Variants in SPTB observed in about 807,000 individuals in gnomAD.
SPTB encodes spectrin beta, erythrocytic.
Under a neutral mutation model 256.2 loss-of-function variants are expected in SPTB, and 45 were observed. The observed-to-expected ratio is 0.18, with a 90% CI of 0.14 to 0.23. The LOEUF (loss-of-function observed/expected upper bound fraction) is 0.23, where lower values mean the gene tolerates loss of function less well. SPTB is among the 10% of genes least tolerant of loss of function. The pLI, the probability that SPTB is intolerant of heterozygous loss-of-function variation, is 1.00. For missense variants in SPTB, 2,715 were observed against 3,040.4 expected (o/e 0.89, Z 2.52); for synonymous variants, 1,231 against 1,243.1 (o/e 0.99, Z 0.21).
chr14:64,811,267 G>A (rs2083084795), intron 2 of SPTB, among the ~76,000 whole-genome samples: 2 of 152,164 alleles, frequency 1.3e-5, no homozygotes, highest in Admixed American at 1.3e-4. Flanking sequence ...TGAACAAAGA[G>A]TTAACAGAAA....
chr14:64,865,600 T>C (rs1882131631), intron 1 of SPTB, among the ~76,000 whole-genome samples: 1 of 152,182 alleles, frequency 6.6e-6, no homozygotes, highest in Non-Finnish European at 1.5e-5. Flanking sequence ...TTGAGGACAC[T>C]GTACTGAGTA....
At chr14:64,809,994 G>A (rs1242623664) in intron 2 of SPTB, among the ~76,000 whole-genome samples, 1 of 151,752 alleles carries the variant, frequency 6.6e-6, no homozygotes, top group East Asian at 1.9e-4. Context: ...TTGAATTTGT[G>A]GGAAAAAAGA....
At chr14:64,753,893 C>A (rs1291989801) in intron 32 of SPTB, 100 bp from the exon 33 acceptor site, 31 of 1,491,450 alleles carry the variant, frequency 2.1e-5, no homozygotes, top group Non-Finnish European at 2.8e-5. Flanking sequence ...CCTCTCCACA[C>A]CCCCAAGCCT....
chr14:64,874,738 C>A (rs1211362312), intron 1 of SPTB, among the ~76,000 whole-genome samples: 1 of 152,204 alleles, frequency 6.6e-6, no homozygotes, highest in African/African-American at 2.4e-5. Context: ...GAGACACGCC[C>A]ATATTTAAGT....
Position 64,793,564 on chromosome 14 carries a change from G to A in SPTB, c.2099C>T (p.Ala700Val), listed in dbSNP as rs748458507. Residue 700 changes from alanine (A) to valine (V), a missense_variant, in exon 14 of 36, where the codon GCT becomes GTT. Transcript: ENST00000644917. This position sits in a 1 kb window ranked among gnomAD's most constrained non-coding sequence, Gnocchi z 7.0. ...DAHLEQIFQEAHGMVARKQFG... is the reference protein window; with the variant it reads ...DAHLEQIFQEVHGMVARKQFG... ...CTGCTTGCGCGCAACCATGCCATGA[G>A]CCTCCTGGAAGATCTGCTCCAGGTG... 1.9e-6 allele frequency: 3 copies of A among 1,614,124 alleles called. No individual in the cohort carries two copies. The highest frequency in any genetic ancestry group is 2.5e-6 in the Non-Finnish European group (3 of 1,180,032).
chr14:64,793,874 G>A lies in SPTB; in HGVS notation c.1796-7C>T, dbSNP rs751031901. On this transcript the variant is annotated splice_polypyrimidine_tract_variant and splice_region_variant and intron_variant, in intron 13 of 35. Coordinates refer to ENST00000644917, the MANE Select transcript of SPTB (RefSeq NM_001355436.2). The surrounding 1 kb of genome is among the most constrained non-coding windows in gnomAD (Gnocchi z 7.0). ...GGGTCACAAGGCTGGTACCCTGGAA[G>A]AAATAGGGGGAAGGAGGACAAAGTG... The A allele has an allele frequency of 1.3e-6, 2 of 1,595,786 alleles. No homozygotes were observed. Among genetic ancestry groups the A allele is most frequent in the Non-Finnish European group, 1.7e-6 (2 of 1,175,324 alleles).
chr14:64,854,547 G>C (rs2083841125), intron 1 of SPTB, among the ~76,000 whole-genome samples: 2 of 152,014 alleles, frequency 1.3e-5, no homozygotes, highest in South Asian at 4.2e-4. Context: ...CAAAGTGCTG[G>C]GATTACAGGT....
intron 1 of SPTB, among the ~76,000 whole-genome samples, chr14:64,835,928 T>C (rs1003131653): frequency 7.2e-5 from 11 of 152,234 alleles, no homozygotes; most frequent in Admixed American, 3.3e-4. Context: ...TTAATGACTC[T>C]GTATCTCAGT....
chr14:64,766,664 G>T (rs747154534), intron 32 of SPTB, 62 bp downstream of exon 32: 2 of 1,613,266 alleles, frequency 1.2e-6, no homozygotes, highest in South Asian at 2.2e-5. Flanking sequence ...AGCCTAGTAG[G>T]GGTGAGAGGG....
chr14:64,750,615 A>G lies in SPTB; in HGVS notation c.6603-461T>C, dbSNP rs1206673061. 2.0e-5 allele frequency among the ~76,000 whole-genome samples: 3 copies of G among 152,020 alleles called. No individual in the cohort carries two copies. The East Asian group carries it at 5.8e-4, about 29-fold the overall frequency. ...ACGTGGTAAAACCCCATCTCTACTAAAAATACAAAAATTAGCCGGGCTTGG... is the reference window on the plus strand; with the variant it reads ...ACGTGGTAAAACCCCATCTCTACTAGAAATACAAAAATTAGCCGGGCTTGG... On this transcript the variant is annotated intron_variant, in intron 33 of 35. Coordinates refer to ENST00000644917, the MANE Select transcript of SPTB (RefSeq NM_001355436.2).
chr14:64,756,089 G>A (rs1380599597), intron 32 of SPTB: 2 of 152,192 alleles, frequency 1.3e-5, no homozygotes, highest in African/African-American at 4.8e-5. Context: ...GACAGAGGCA[G>A]GAACCTAAAT....
At chr14:64,765,859 ATG>A (rs72331445) in intron 32 of SPTB, among the ~76,000 whole-genome samples, 3,748 of 117,388 alleles carry the variant, frequency 0.032, 101 homozygotes, top group African/African-American at 0.073. Flanking sequence ...GTGCACATGT[ATG>A]TGTGTGTGTG....
rs941790472 is a variant in SPTB, at chr14:64,866,502, T to G, written c.-52+13290A>C. ...GTTCATCTCAGACCCCACCACATACTCAGAGGCCTCGTAGCTCCACTCACC... is the reference window on the plus strand; with the variant it reads ...GTTCATCTCAGACCCCACCACATACGCAGAGGCCTCGTAGCTCCACTCACC... On this transcript the variant is annotated intron_variant, in intron 1 of 35. Coordinates refer to ENST00000644917, the MANE Select transcript of SPTB (RefSeq NM_001355436.2). The surrounding 1 kb of genome is among the most constrained non-coding windows in gnomAD (Gnocchi z 4.6). Among the ~76,000 whole-genome samples the G allele has an allele frequency of 6.6e-6, 1 of 152,026 alleles. No individual in the cohort carries two copies. Among genetic ancestry groups the G allele is most frequent in the East Asian group, 1.9e-4 (1 of 5,186 alleles).
chr14:64,805,675 C>A (rs2082969467), intron 2 of SPTB, among the ~76,000 whole-genome samples: 2 of 152,176 alleles, frequency 1.3e-5, no homozygotes, highest in South Asian at 4.1e-4. Flanking sequence ...CCTGGTGCAC[C>A]ATCAGTACTC....
At position 64,779,736 on chromosome 14, in the gene SPTB, C is replaced by G; in HGVS notation, c.4462G>C (p.Glu1488Gln). The stretch of plus-strand genomic sequence containing the variant: ...TGTGGCCCACGCACCGTCTCATCCT[C>G]TAAGTCCCGGCTGATCTGCAGCTTG... Reference protein sequence around the residue: ...RAKLQISRDLEDETLWVEERL... With the variant: ...RAKLQISRDLQDETLWVEERL... Residue 1488 changes from glutamate to glutamine, a missense_variant, in exon 21 of 36, where the codon GAG becomes CAG. Physicochemically the swap from Glu to Gln is conservative, Grantham distance 29 (BLOSUM62 2). Coordinates refer to ENST00000644917, the MANE Select transcript of SPTB (RefSeq NM_001355436.2). This position sits in a 1 kb window ranked among gnomAD's most constrained non-coding sequence, Gnocchi z 4.2. 3 of 1,614,180 alleles carry G rather than the reference C, an allele frequency of 1.9e-6. No homozygotes were observed. Among genetic ancestry groups the G allele is most frequent in the Non-Finnish European group, 2.5e-6 (3 of 1,180,044 alleles).
chr14:64,767,445 C>T (rs1377981201), intron 30 of SPTB, 93 bp from the exon 31 acceptor site: 4 of 1,532,566 alleles, frequency 2.6e-6, no homozygotes, highest in African/African-American at 2.7e-5. Context: ...TGCACCCCCA[C>T]ATGCCCTGAC....
rs952066768 is a variant in SPTB, at chr14:64,775,764, T to A, written c.4564-361A>T. ...CAGAGCTTGATTCCTTAGGTGTATG[T>A]GTTGGAAGGAAAAGAAAAATGGCCT... On this transcript the variant is annotated intron_variant, in intron 22 of 35. Transcript: ENST00000644917. The surrounding 1 kb of genome is among the most constrained non-coding windows in gnomAD (Gnocchi z 5.0). 2.2e-4 allele frequency among the ~76,000 whole-genome samples: 34 copies of A among 152,254 alleles called. No homozygotes were observed. Among genetic ancestry groups the A allele is most frequent in the Admixed American group, 1.3e-4 (2 of 15,292 alleles).
chr14:64,788,230 C>A (rs1311628543), intron 15 of SPTB, among the ~76,000 whole-genome samples: 1 of 152,166 alleles, frequency 6.6e-6, no homozygotes, highest in Non-Finnish European at 1.5e-5. Context: ...GTGAACACAC[C>A]CCCAGTGCCT....
At chr14:64,822,351 T>C (rs75749787) in intron 2 of SPTB, among the ~76,000 whole-genome samples, 650 of 8,128 alleles carry the variant, frequency 0.08, no homozygotes, top group South Asian at 0.16. Context: ...CACCCCCACC[T>C]TCTCTCTCTC....
Sources: allele counts gnomAD v4.1 joint callset (sites outside exome capture counted in the v4.1 genomes callset), GRCh38; gene constraint gnomAD v4.1.1; non-coding constraint Gnocchi (gnomAD v3.1); transcripts MANE v1.5; gene names NCBI Gene and HGNC (gene_info 2026-07-23, HGNC 2026-07-21).